NRG3: variants seen among roughly 807,000 people sequenced by gnomAD.
NRG3 encodes pro-neuregulin-3, membrane-bound isoform.
In NRG3, 31 loss-of-function variants were observed where a neutral mutation model predicts 66.9. The ratio of observed to expected loss-of-function variants is 0.46; its 90% confidence interval spans 0.35 to 0.63. The LOEUF is 0.63. Among genes scored for constraint, NRG3 ranks in the 20% least tolerant of loss-of-function variants. The pLI, the probability that NRG3 is intolerant of heterozygous loss-of-function variation, is 0.00. For synonymous variants in NRG3, 393 were observed against 359.4 expected (o/e 1.09, Z -1.06); for missense variants, 910 against 878.9 (o/e 1.04, Z -0.45).
chr10:82,390,996 C>T (rs186971682), intron 2 of NRG3, among the ~76,000 whole-genome samples: 1 of 152,216 alleles, frequency 6.6e-6, no homozygotes, highest in African/African-American at 2.4e-5. Flanking sequence ...TACAAATGTA[C>T]TTTTGGAAAA....
chr10:81,898,429 C>T (rs1301338673), intron 1 of NRG3, among the ~76,000 whole-genome samples: 1 of 152,182 alleles, frequency 6.6e-6, no homozygotes, highest in Non-Finnish European at 1.5e-5. Flanking sequence ...GTGAGGCTGT[C>T]CCTGCAACTG....
intron 1 of NRG3, among the ~76,000 whole-genome samples, chr10:82,235,815 T>A (rs946148913): frequency 3.3e-5 from 5 of 152,206 alleles, no homozygotes. Flanking sequence ...CCTGGAAAGT[T>A]GTCCAGCGTG....
chr10:82,845,090 G>T (rs1289039499), intron 3 of NRG3, among the ~76,000 whole-genome samples: 1 of 152,180 alleles, frequency 6.6e-6, no homozygotes, highest in Non-Finnish European at 1.5e-5. Context: ...GGGACGCAGA[G>T]GTTGCAGTGA....
intron 1 of NRG3, among the ~76,000 whole-genome samples, chr10:81,975,373 C>T (rs868284564): frequency 6.9e-6 from 1 of 144,604 alleles, no homozygotes; most frequent in Admixed American, 7.0e-5. Context: ...ATCTATCTAT[C>T]TATTCATCCA....
At chr10:82,737,529 TA>T (rs1476718300) in intron 2 of NRG3, among the ~76,000 whole-genome samples, 1 of 151,576 alleles carries the variant, frequency 6.6e-6, no homozygotes, top group Non-Finnish European at 1.5e-5. Flanking sequence ...AATTGTTTTT[TA>T]AATCTGATTT....
chr10:82,509,188 C>A (rs1381984063), intron 2 of NRG3, among the ~76,000 whole-genome samples: 1 of 152,102 alleles, frequency 6.6e-6, no homozygotes, highest in Non-Finnish European at 1.5e-5. Flanking sequence ...CTTCTCCTTG[C>A]CATACTTCTA....
At chr10:82,214,564 A>G (rs766897213) in intron 1 of NRG3, among the ~76,000 whole-genome samples, 1 of 152,164 alleles carries the variant, frequency 6.6e-6, no homozygotes, top group South Asian at 2.1e-4. Context: ...ACCTGGGCCC[A>G]AGTGATCCTC....
At chr10:82,375,128 T>C (rs1051304280) in intron 2 of NRG3, among the ~76,000 whole-genome samples, 3 of 152,168 alleles carry the variant, frequency 2.0e-5, no homozygotes, top group Admixed American at 6.5e-5. Context: ...GGGGGAAAAA[T>C]GTTCTCTGCA....
At chr10:82,263,616 C>CCA (rs375519134) in intron 1 of NRG3, among the ~76,000 whole-genome samples, 9 of 151,672 alleles carry the variant, frequency 5.9e-5, no homozygotes, top group East Asian at 1.9e-4. Flanking sequence ...TACACACACA[C>CCA]CACACACACA....
chr10:82,791,477 A>G (rs1182015661), intron 3 of NRG3, among the ~76,000 whole-genome samples: 3 of 150,094 alleles, frequency 2.0e-5, no homozygotes, highest in Non-Finnish European at 4.5e-5. Context: ...CCTTTGCCAA[A>G]TATTCACATT....
At chr10:82,506,949 C>A (rs1844736396) in intron 2 of NRG3, among the ~76,000 whole-genome samples, 1 of 152,184 alleles carries the variant, frequency 6.6e-6, no homozygotes, top group Non-Finnish European at 1.5e-5. Flanking sequence ...TGACCAATTT[C>A]ACTGCCTTTG....
intron 1 of NRG3, among the ~76,000 whole-genome samples, chr10:82,062,021 G>A (rs1316752444): frequency 6.6e-6 from 1 of 152,136 alleles, no homozygotes; most frequent in Non-Finnish European, 1.5e-5. Context: ...CTTTGCTTTT[G>A]ATGACCAAAG....
At chr10:82,243,435 T>G (rs1330399977) in intron 1 of NRG3, among the ~76,000 whole-genome samples, 2 of 151,964 alleles carry the variant, frequency 1.3e-5, no homozygotes, top group African/African-American at 2.4e-5. Context: ...CCACCACAAT[T>G]TAAAATTTTA....
chr10:82,665,819 C>T (rs1423675516), intron 2 of NRG3, among the ~76,000 whole-genome samples: 2 of 152,114 alleles, frequency 1.3e-5, no homozygotes, highest in Non-Finnish European at 2.9e-5. Context: ...CTTTTCTTTT[C>T]CCTGGGCATC....
chr10:82,404,049 A>G (rs1362012905), intron 2 of NRG3, among the ~76,000 whole-genome samples: 1 of 152,164 alleles, frequency 6.6e-6, no homozygotes, highest in African/African-American at 2.4e-5. Flanking sequence ...ACTAACTTCT[A>G]GGCTGAAAGT....
At chr10:81,893,214 G>A (rs1564636929) in intron 1 of NRG3, among the ~76,000 whole-genome samples, 3 of 151,972 alleles carry the variant, frequency 2.0e-5, no homozygotes, top group Non-Finnish European at 2.9e-5. Context: ...TTAGGAATAT[G>A]TATTTGCAAA....
At chr10:82,786,263 C>G (rs1039860398) in intron 3 of NRG3, among the ~76,000 whole-genome samples, 1 of 152,114 alleles carries the variant, frequency 6.6e-6, no homozygotes, top group African/African-American at 2.4e-5. Context: ...GTGGACTGAG[C>G]CAAACAAAAC....
intron 1 of NRG3, among the ~76,000 whole-genome samples, chr10:82,278,383 AG>A (rs1462156041): frequency 6.6e-6 from 1 of 152,052 alleles, no homozygotes; most frequent in African/African-American, 2.4e-5. Flanking sequence ...ATGGAATGTT[AG>A]GGCTCCTATA....
At chr10:82,418,866 A>C (rs2088839328) in intron 2 of NRG3, among the ~76,000 whole-genome samples, 1 of 151,966 alleles carries the variant, frequency 6.6e-6, no homozygotes, top group East Asian at 1.9e-4. Flanking sequence ...CTCCCTCAGC[A>C]CTGGATTACA....
Sources: allele counts gnomAD v4.1 joint callset (sites outside exome capture counted in the v4.1 genomes callset), GRCh38; gene constraint gnomAD v4.1.1; transcripts MANE v1.5; gene names NCBI Gene and HGNC (gene_info 2026-07-23, HGNC 2026-07-21).